Variants in PCDHA2 observed in about 807,000 individuals in gnomAD.
The protein encoded by PCDHA2 is protocadherin alpha 2, also known as protocadherin alpha-2.
PCDHA2 carries 58 observed loss-of-function variants against 66.0 expected under a neutral mutation model. The ratio of observed to expected loss-of-function variants is 0.88; its 90% CI spans 0.71 to 1.09. The LOEUF is 1.09. Ranked by LOEUF, PCDHA2 falls within the 50% of genes least tolerant of loss-of-function variation. The pLI, the probability that PCDHA2 is intolerant of heterozygous loss-of-function variation, is 0.00. For missense variants in PCDHA2, 1,267 were observed against 1,242.3 expected (o/e 1.02, Z -0.30); for synonymous variants, 634 against 554.0 (o/e 1.14, Z -2.03).
chr5:140,929,461 C>A, intron 1 of PCDHA2: 1 of 1,314,566 alleles, frequency 7.6e-7, no homozygotes, highest in Non-Finnish European at 1.0e-6. Context: ...CTTCCTGTGC[C>A]AAGAAATCTG....
intron 1 of PCDHA2, chr5:140,807,015 A>T: frequency 1.3e-6 from 1 of 792,124 alleles, no homozygotes; most frequent in Non-Finnish European, 2.0e-6. Context: ...CACAAAATAC[A>T]TGAGAGAAGG....
intron 1 of PCDHA2, chr5:140,841,999 T>A: frequency 6.2e-7 from 1 of 1,613,818 alleles, no homozygotes; most frequent in Non-Finnish European, 8.5e-7. Context: ...CAGGCACTGT[T>A]CAGCTGCTGG....
chr5:141,011,288 T>C lies in PCDHA2; in HGVS notation c.*1351T>C, dbSNP rs1379355395. 1 of 153,798 alleles carries C rather than the reference T, an allele frequency of 6.5e-6. No individual in the cohort carries two copies. Among genetic ancestry groups the C allele is most frequent in the Non-Finnish European group, 1.5e-5 (1 of 68,050 alleles). The allele number at this position is 153,798 out of a possible 1,614,324, so 9.5% of individuals were successfully genotyped here. A position where few individuals can be genotyped will look rare whatever the true frequency, so the allele number is the denominator to read the frequency against. On this transcript the variant is annotated 3_prime_UTR_variant, in exon 4 of 4. Transcript: ENST00000526136. ...CTTCTCTTTGGTTTAGTTTTCCTTT[T>C]CTATAACACTCTGAATTGCTAATCT... is the stretch of plus-strand genomic sequence containing the variant.
In PCDHA2 at chr5:140,857,075, A is replaced by C. The variant is rs782381292; in HGVS notation, c.2388+59723A>C. On this transcript the variant is annotated intron_variant, in intron 1 of 3. Coordinates refer to ENST00000526136, the MANE Select transcript of PCDHA2 (RefSeq NM_018905.3). ...GGTCCTAGTGGAACTACTGGATGAA[A>C]ATGATAATTCACCTGAGGTGATTGT... is the stretch of plus-strand genomic sequence containing the variant. 10 of 1,597,052 alleles carry C rather than the reference A, an allele frequency of 6.3e-6. 1 individual carries two copies. The highest frequency in any genetic ancestry group is 8.6e-6 in the Non-Finnish European group (10 of 1,166,684).
chr5:140,877,793 C>T, intron 1 of PCDHA2: 1 of 1,613,948 alleles, frequency 6.2e-7, no homozygotes, highest in Non-Finnish European at 8.5e-7. Flanking sequence ...GCCTTCAGCC[C>T]AAGCCTTCAG....
chr5:140,841,340 G>A lies in PCDHA2; in HGVS notation c.2388+43988G>A, dbSNP rs2150313851. On this transcript the variant is annotated intron_variant, in intron 1 of 3. Transcript: ENST00000526136. ...ATTTAACATGGATTATCACTGGCGA[G>A]GAGAGCTGGGATCCTGGCGACTACT... 11 of 1,611,670 alleles carry A rather than the reference G, an allele frequency of 6.8e-6. No individual in the cohort carries two copies. Among genetic ancestry groups the A allele is most frequent in the South Asian group, 5.5e-5 (5 of 90,928 alleles).
At chr5:140,938,218 T>A (rs1050033125) in intron 1 of PCDHA2, among the ~76,000 whole-genome samples, 3 of 152,210 alleles carry the variant, frequency 2.0e-5, no homozygotes, top group Admixed American at 2.0e-4. Context: ...AGTGCTGGGA[T>A]TACAGGCATA....
At chr5:140,876,706 G>C in intron 1 of PCDHA2, 1 of 1,614,214 alleles carries the variant, frequency 6.2e-7, no homozygotes, top group South Asian at 1.1e-5. Context: ...GCTGGACAGC[G>C]CCCTGGACCG....
At chr5:140,852,957 C>A in intron 1 of PCDHA2, 1 of 439,404 alleles carries the variant, frequency 2.3e-6, no homozygotes, top group Non-Finnish European at 3.1e-6. Flanking sequence ...TGGCTCACTC[C>A]AAGCTCCCCC....
At chr5:140,833,606 GC>G (rs1377132981) in intron 1 of PCDHA2, among the ~76,000 whole-genome samples, 2 of 152,098 alleles carry the variant, frequency 1.3e-5, no homozygotes, top group African/African-American at 4.8e-5. Context: ...TTCTGCTAAA[GC>G]AAAAAATTCA....
chr5:140,953,842 T>A (rs1369287853), intron 1 of PCDHA2, among the ~76,000 whole-genome samples: 2 of 152,214 alleles, frequency 1.3e-5, no homozygotes, highest in Non-Finnish European at 2.9e-5. Flanking sequence ...GTTACCCAGG[T>A]AAACATGTGC....
At chr5:140,808,312 C>T (rs1330097082) in intron 1 of PCDHA2, 1 of 1,614,124 alleles carries the variant, frequency 6.2e-7, no homozygotes, top group East Asian at 2.2e-5. Flanking sequence ...TCAGCGTGTC[C>T]GACAAAGACA....
rs1487823749 is a variant in PCDHA2 at position 140,803,102 on chromosome 5, T to C, written c.2388+5750T>C. ...ACACGGGAGAGATCAGCACGACCCG[T>C]GCCCTGGACGAGGTGGACGCCCCGC... On this transcript the variant is annotated intron_variant, in intron 1 of 3. Transcript: ENST00000526136. 1.9e-6 allele frequency: 3 copies of C among 1,613,738 alleles called. No individual in the cohort carries two copies. In the African/African-American group the frequency reaches 4.0e-5, roughly 22 times the overall value.
intron 1 of PCDHA2, among the ~76,000 whole-genome samples, chr5:140,933,279 C>T (rs992723234): frequency 6.6e-6 from 1 of 151,840 alleles, no homozygotes; most frequent in African/African-American, 2.4e-5. Flanking sequence ...TCATTTGGAA[C>T]TTGTTTTGGA....
chr5:140,848,252 G>C (rs188149099), intron 1 of PCDHA2: 1 of 468,304 alleles, frequency 2.1e-6, no homozygotes, highest in African/African-American at 2.0e-5. Flanking sequence ...CAGAATAACT[G>C]TGAAATTTTT....
intron 1 of PCDHA2, among the ~76,000 whole-genome samples, chr5:140,880,101 T>C (rs1190307689): frequency 6.6e-6 from 1 of 152,192 alleles, no homozygotes; most frequent in Non-Finnish European, 1.5e-5. Context: ...CTTAAAATCA[T>C]AGAAGGATAG....
At chr5:141,002,555 A>T (rs1349538713) in intron 3 of PCDHA2, among the ~76,000 whole-genome samples, 1 of 152,222 alleles carries the variant, frequency 6.6e-6, no homozygotes, top group African/African-American at 2.4e-5. Flanking sequence ...CCCAGGATCC[A>T]CCAGTTAGTG....
chr5:140,823,591 C>G, intron 1 of PCDHA2: 1 of 1,614,004 alleles, frequency 6.2e-7, no homozygotes, highest in Non-Finnish European at 8.5e-7. Context: ...CAACGCTTGG[C>G]TTTCGTATGA....
At chr5:140,801,416 C>A (rs781922932) in intron 1 of PCDHA2, 29 of 1,613,660 alleles carry the variant, frequency 1.8e-5, no homozygotes, top group South Asian at 7.7e-5. Context: ...GACACGGGGA[C>A]CTTCTGGAGG....
Sources: gnomAD v4.1 joint callset for allele counts (sites outside exome capture counted in the v4.1 genomes callset) on GRCh38, gnomAD v4.1.1 for gene constraint, MANE v1.5 for transcripts, NCBI Gene and HGNC (gene_info 2026-07-23, HGNC 2026-07-21) for gene names.